PEBP4: variants seen among roughly 807,000 people sequenced by gnomAD.
The protein encoded by PEBP4 is phosphatidylethanolamine-binding protein 4.
A neutral mutation model predicts 23.9 loss-of-function variants in PEBP4; 22 were observed. That is an observed-to-expected ratio of 0.92 (90% confidence interval 0.66 to 1.31). The LOEUF is 1.31. Ranked by LOEUF, PEBP4 falls within the 40% of genes most tolerant of loss-of-function variation. PEBP4 has a pLI of 0.00. For missense variants in PEBP4, 324 were observed against 281.7 expected (o/e 1.15, Z -1.07); for synonymous variants, 112 against 99.3 (o/e 1.13, Z -0.76).
chr8:22,853,427 T>G (rs1585307432), intron 3 of PEBP4, among the ~76,000 whole-genome samples: 1 of 152,200 alleles, frequency 6.6e-6, no homozygotes, highest in East Asian at 1.9e-4. Context: ...GGCACTGGAG[T>G]TTACTGCAAA....
intron 3 of PEBP4, among the ~76,000 whole-genome samples, chr8:22,857,389 C>T (rs1057103148): frequency 2.0e-5 from 3 of 152,304 alleles, no homozygotes; most frequent in African/African-American, 7.2e-5. Flanking sequence ...TCTTGCTCCC[C>T]ATCACCCATT....
chr8:22,731,036 C>G (rs1007334836), intron 4 of PEBP4, among the ~76,000 whole-genome samples: 2 of 152,204 alleles, frequency 1.3e-5, no homozygotes, highest in Admixed American at 1.3e-4. Flanking sequence ...TGAGCACAGA[C>G]CAAATCTCCT....
chr8:22,879,635 G>A (rs553646935), intron 3 of PEBP4, among the ~76,000 whole-genome samples: 7 of 152,300 alleles, frequency 4.6e-5, no homozygotes, highest in South Asian at 2.1e-4. Context: ...TTGTCACCAC[G>A]TTATCCCACG....
At chr8:22,724,113 C>T (rs1308115818) in intron 6 of PEBP4, among the ~76,000 whole-genome samples, 2 of 152,226 alleles carry the variant, frequency 1.3e-5, no homozygotes, top group African/African-American at 4.8e-5. Flanking sequence ...GGCTTTATTT[C>T]CCATTTTCTG....
intron 4 of PEBP4, among the ~76,000 whole-genome samples, chr8:22,780,848 G>A (rs1201067157): frequency 6.6e-6 from 1 of 152,156 alleles, no homozygotes; most frequent in East Asian, 1.9e-4. Flanking sequence ...AAGGGGAAAG[G>A]AAACGAGTGT....
At chr8:22,768,945 C>T (rs1440782896) in intron 4 of PEBP4, among the ~76,000 whole-genome samples, 4 of 152,178 alleles carry the variant, frequency 2.6e-5, no homozygotes, top group Non-Finnish European at 5.9e-5. Flanking sequence ...CAGGCCTCTG[C>T]AGAACTCAGT....
At chr8:22,780,852 C>A (rs973031090) in intron 4 of PEBP4, among the ~76,000 whole-genome samples, 3 of 152,188 alleles carry the variant, frequency 2.0e-5, no homozygotes, top group Non-Finnish European at 4.4e-5. Flanking sequence ...GGAAAGGAAA[C>A]GAGTGTGCTC....
chr8:22,887,112 G>GTGTGTGTGTGTGTGTGTGTGTGTGTGTT (rs1563249896), intron 3 of PEBP4: 3 of 147,938 alleles, frequency 2.0e-5, no homozygotes, highest in Non-Finnish European at 4.5e-5. Flanking sequence ...GTGTGTGTGT[G>GTGTGTGTGTGTGTGTGTGTGTGTGTGTT]TGTGTATGTG....
At chr8:22,757,656 C>A (rs1461741864) in intron 4 of PEBP4, 1 of 152,246 alleles carries the variant, frequency 6.6e-6, no homozygotes, top group Non-Finnish European at 1.5e-5. Flanking sequence ...GTTATTTAGC[C>A]TCCTGGATGT....
chr8:22,727,681 C>T (rs1804646032), intron 4 of PEBP4, among the ~76,000 whole-genome samples: 2 of 152,076 alleles, frequency 1.3e-5, no homozygotes, highest in Non-Finnish European at 2.9e-5. Context: ...GACTCTGCTC[C>T]CTTTGGAGCC....
intron 4 of PEBP4, among the ~76,000 whole-genome samples, chr8:22,811,047 G>GTA (rs1454014221): frequency 2.0e-5 from 3 of 152,032 alleles, no homozygotes; most frequent in Non-Finnish European, 4.4e-5. Context: ...CTTCCTGCAT[G>GTA]TATACCTTAT....
chr8:22,790,913 C>T (rs141555686), intron 4 of PEBP4, among the ~76,000 whole-genome samples: 23 of 152,216 alleles, frequency 1.5e-4, no homozygotes, highest in East Asian at 7.7e-4. Context: ...CTTTAGCAGG[C>T]GGCACTGGGC....
At chr8:22,786,504 G>A (rs146869175) in intron 4 of PEBP4, among the ~76,000 whole-genome samples, 13 of 152,022 alleles carry the variant, frequency 8.6e-5, no homozygotes, top group East Asian at 3.9e-4. Flanking sequence ...GGCTGGTCTC[G>A]AGCTCCTAGC....
intron 4 of PEBP4, among the ~76,000 whole-genome samples, chr8:22,748,320 C>T (rs1805172935): frequency 6.6e-6 from 1 of 151,972 alleles, no homozygotes; most frequent in African/African-American, 2.4e-5. Context: ...CCCATCAGTC[C>T]GTATTGATGG....
At chr8:22,869,818 A>G (rs1585315674) in intron 3 of PEBP4, among the ~76,000 whole-genome samples, 1 of 152,234 alleles carries the variant, frequency 6.6e-6, no homozygotes, top group African/African-American at 2.4e-5. Flanking sequence ...TGCTCATGAT[A>G]TGTCACTAGT....
At chr8:22,918,367 C>T (rs1344377846) in intron 3 of PEBP4, among the ~76,000 whole-genome samples, 1 of 152,204 alleles carries the variant, frequency 6.6e-6, no homozygotes, top group African/African-American at 2.4e-5. Context: ...CTATGTTCCA[C>T]ATCCGTTTTC....
chr8:22,905,559 A>G (rs1005209409), intron 3 of PEBP4, among the ~76,000 whole-genome samples: 4 of 152,060 alleles, frequency 2.6e-5, no homozygotes. Context: ...TTGTTGTTCT[A>G]GTTATTTTGT....
At chr8:22,768,862 C>T (rs1255291676) in intron 4 of PEBP4, among the ~76,000 whole-genome samples, 1 of 152,136 alleles carries the variant, frequency 6.6e-6, no homozygotes, top group Non-Finnish European at 1.5e-5. Flanking sequence ...TTCTAGAGGC[C>T]GAAGGAACCG....
chr8:22,910,127 G>C (rs999003551), intron 3 of PEBP4, among the ~76,000 whole-genome samples: 2 of 152,340 alleles, frequency 1.3e-5, no homozygotes, highest in African/African-American at 2.4e-5. Context: ...TGAGAGAGTC[G>C]TTTTATCTCT....
Sources: allele counts gnomAD v4.1 joint callset (sites outside exome capture counted in the v4.1 genomes callset), GRCh38; gene constraint gnomAD v4.1.1; transcripts MANE v1.5; gene names NCBI Gene and HGNC (gene_info 2026-07-23, HGNC 2026-07-21).